UBE2D3: variants seen among roughly 807,000 people sequenced by gnomAD.
The protein encoded by UBE2D3 is ubiquitin-conjugating enzyme E2 D3.
UBE2D3 carries 2 observed loss-of-function variants against 22.8 expected under a neutral mutation model. The ratio of observed to expected loss-of-function variants is 0.09; its 90% CI spans 0.04 to 0.28. The LOEUF (loss-of-function observed/expected upper bound fraction) is 0.28, where lower values mean the gene tolerates loss of function less well. Ranked by LOEUF, UBE2D3 falls within the 10% of genes least tolerant of loss-of-function variation. The pLI is 1.00. For synonymous variants in UBE2D3, 56 were observed against 60.4 expected (o/e 0.93, Z 0.34); for missense variants, 27 against 182.5 (o/e 0.15, Z 4.91).
chr4:102,847,096 C>G (rs1344246463), intron 1 of UBE2D3, among the ~76,000 whole-genome samples: 1 of 152,174 alleles, frequency 6.6e-6, no homozygotes, highest in Admixed American at 6.5e-5. Context: ...TCATTTTTCT[C>G]TGCTCAAATG....
chr4:102,850,546 TATA>T (rs1412617499), intron 1 of UBE2D3, among the ~76,000 whole-genome samples: 1 of 152,128 alleles, frequency 6.6e-6, no homozygotes, highest in Non-Finnish European at 1.5e-5. Context: ...GGTAGTGTAA[TATA>T]GTGGAAATAG....
At chr4:102,836,208 G>A (rs142800129) in intron 1 of UBE2D3, among the ~76,000 whole-genome samples, 2,194 of 145,800 alleles carry the variant, frequency 0.015, 55 homozygotes, top group African/African-American at 0.05. Context: ...GTGCAGTGGC[G>A]CAATCTTGGC....
chr4:102,803,076 G>A (rs1288037373), intron 4 of UBE2D3, among the ~76,000 whole-genome samples: 1 of 152,104 alleles, frequency 6.6e-6, no homozygotes, highest in Non-Finnish European at 1.5e-5. Flanking sequence ...GCTATTCCAG[G>A]TAACACACAC....
chr4:102,803,917 C>G (rs1726598851), intron 4 of UBE2D3, among the ~76,000 whole-genome samples: 1 of 151,810 alleles, frequency 6.6e-6, no homozygotes, highest in African/African-American at 2.4e-5. Flanking sequence ...TACACATATG[C>G]ACCACCACAC....
intron 4 of UBE2D3, among the ~76,000 whole-genome samples, chr4:102,808,068 G>C (rs527843621): frequency 2.6e-5 from 4 of 152,126 alleles, no homozygotes; most frequent in Non-Finnish European, 4.4e-5. Context: ...AGCATTCTTT[G>C]AAAACTGGTA....
At position 102,809,660 on chromosome 4, in the gene UBE2D3, C is replaced by T; in HGVS notation, c.120+12G>A. 1 of 1,594,002 alleles carries T rather than the reference C, an allele frequency of 6.3e-7. No individual in the cohort carries two copies. The highest frequency in any genetic ancestry group is 8.5e-7 in the Non-Finnish European group (1 of 1,173,312). On this transcript the variant is annotated intron_variant, in intron 4 of 7. Transcript: ENST00000453744. ...TCACTTAAAACTAAATTTAAAAATT[C>T]TTAATACTTACAGGTCCCATAATTG...
At chr4:102,837,433 T>C (rs932038847) in intron 1 of UBE2D3, among the ~76,000 whole-genome samples, 1 of 152,258 alleles carries the variant, frequency 6.6e-6, no homozygotes, top group Non-Finnish European at 1.5e-5. Context: ...TGTAAGTTTG[T>C]GGCAGCCCAT....
At chr4:102,809,103 T>G (rs1049198571) in intron 4 of UBE2D3, 9 of 263,416 alleles carry the variant, frequency 3.4e-5, no homozygotes, top group Non-Finnish European at 5.9e-5. Flanking sequence ...TTCTCTGAAA[T>G]TCTTAGATGG....
At chr4:102,821,185 G>A (rs1353533474) in intron 2 of UBE2D3, among the ~76,000 whole-genome samples, 1 of 152,072 alleles carries the variant, frequency 6.6e-6, no homozygotes, top group Admixed American at 6.6e-5. Flanking sequence ...CAAGAATGGA[G>A]AGTTTTATTT....
At chr4:102,849,999 C>T (rs1318671893) in intron 1 of UBE2D3, among the ~76,000 whole-genome samples, 1 of 151,928 alleles carries the variant, frequency 6.6e-6, no homozygotes, top group South Asian at 2.1e-4. Context: ...GAAGAATGCA[C>T]CATAATTGGT....
At chr4:102,865,752 T>C (rs1733120000) in intron 1 of UBE2D3, among the ~76,000 whole-genome samples, 1 of 152,128 alleles carries the variant, frequency 6.6e-6, no homozygotes, top group Non-Finnish European at 1.5e-5. Flanking sequence ...ATATTTGAAT[T>C]TGGGGCACTG....
intron 4 of UBE2D3, among the ~76,000 whole-genome samples, chr4:102,806,370 C>T (rs1420865839): frequency 1.3e-5 from 2 of 152,040 alleles, no homozygotes; most frequent in Non-Finnish European, 2.9e-5. Context: ...TTACCATTAT[C>T]CACCCATATA....
intron 4 of UBE2D3, among the ~76,000 whole-genome samples, chr4:102,806,273 C>T (rs1727024911): frequency 1.3e-5 from 2 of 152,036 alleles, no homozygotes; most frequent in African/African-American, 2.4e-5. Flanking sequence ...TTTCTCTTCC[C>T]TACTTGGAAT....
Position 102,827,498 on chromosome 4 carries a change from C to T in UBE2D3, c.-200G>A, listed in dbSNP as rs1350869166. On this transcript the variant is annotated 5_prime_UTR_variant, in exon 1 of 8. Transcript: ENST00000453744. ...GCGCGGCAGCTGGTGCCTCCCCGGC[C>T]CTACGGGGCTCACGCGCACGACACA... 1.0e-6 allele frequency: 1 copy of T among 986,242 alleles called. No individual in the cohort carries two copies. The highest frequency in any genetic ancestry group is 1.2e-6 in the Non-Finnish European group (1 of 830,200). The allele number at this position is 986,242 out of a possible 1,614,324, so 61.1% of individuals were successfully genotyped here.
intron 7 of UBE2D3, among the ~76,000 whole-genome samples, chr4:102,798,554 A>G (rs1435466159): frequency 1.3e-5 from 2 of 151,678 alleles, no homozygotes; most frequent in Admixed American, 1.3e-4. Flanking sequence ...CTTAGGCTTA[A>G]AAGTGTTTTT....
rs1732784645 is a variant in UBE2D3 at position 102,859,625 on chromosome 4, TTC to T, written c.-129+9088_-129+9089del. ...TCTTTAAATAAGCAATCTGCCTCCTTTCTCTTTCTCTGCTTGCTCTACCACTT... is the reference window on the plus strand; with the variant it reads ...TCTTTAAATAAGCAATCTGCCTCCTTTCTTTCTCTGCTTGCTCTACCACTT... On this transcript the variant is annotated intron_variant, in intron 1 of 7. Transcript: ENST00000338145. Among the ~76,000 whole-genome samples, 3 of 151,922 alleles carry T rather than the reference TTC, an allele frequency of 2.0e-5. No homozygotes were observed. In the South Asian group the frequency reaches 6.2e-4, roughly 32 times the overall value.
intron 6 of UBE2D3, 112 bp downstream of exon 6, chr4:102,801,342 C>A: frequency 2.4e-6 from 2 of 821,034 alleles, no homozygotes; most frequent in Non-Finnish European, 3.8e-6. Context: ...AACTTTATTG[C>A]TTCCCCATCT....
intron 1 of UBE2D3, among the ~76,000 whole-genome samples, chr4:102,844,403 T>C (rs1196748347): frequency 6.6e-6 from 1 of 152,170 alleles, no homozygotes. Context: ...CTCAGGGATA[T>C]AGCCCTGCTT....
intron 1 of UBE2D3, among the ~76,000 whole-genome samples, chr4:102,846,485 A>G (rs1270225712): frequency 6.6e-6 from 1 of 152,074 alleles, no homozygotes; most frequent in African/African-American, 2.4e-5. Flanking sequence ...CCTTAAATGT[A>G]TTCTCATATA....
Sources: gnomAD v4.1 joint callset for allele counts (sites outside exome capture counted in the v4.1 genomes callset) on GRCh38, gnomAD v4.1.1 for gene constraint, MANE v1.5 for transcripts, NCBI Gene and HGNC (gene_info 2026-07-23, HGNC 2026-07-21) for gene names.